Variants in SUSD4 observed in about 807,000 individuals in gnomAD.
The protein encoded by SUSD4 is sushi domain containing 4.
Under a neutral mutation model 50.5 loss-of-function variants are expected in SUSD4, and 41 were observed. The observed-to-expected ratio is 0.81, with a 90% CI of 0.63 to 1.05. The LOEUF (loss-of-function observed/expected upper bound fraction) is 1.05, where lower values mean the gene tolerates loss of function less well. Ranked by LOEUF, SUSD4 falls within the 50% of genes least tolerant of loss-of-function variation. The probability of loss-of-function intolerance (pLI) is 0.00; values close to 1 mark genes in which losing one functional copy is unlikely to be tolerated. For missense variants in SUSD4, 580 were observed against 634.7 expected, an observed-to-expected ratio of 0.91 and a Z score of 0.93; for synonymous variants, 257 against 257.3, an observed-to-expected ratio of 1.00 and a Z score of 0.01.
chr1:223,364,187 C>T (rs1368928071), upstream of SUSD4: 1 of 151,428 alleles, frequency 6.6e-6, no homozygotes, highest in East Asian at 2.0e-4. The surrounding 1 kb of genome is among the most constrained non-coding windows in gnomAD (Gnocchi z 4.5). Flanking sequence ...GGCGGCGGCG[C>T]TCGGCTCCAG....
intron 4 of SUSD4, among the ~76,000 whole-genome samples, chr1:223,265,960 C>A (rs537567001): frequency 6.6e-6 from 1 of 152,328 alleles, no homozygotes; most frequent in Non-Finnish European, 1.5e-5. Context: ...TTCTCCTAAG[C>A]TGACTTTGTT....
rs769244897 is a variant in SUSD4, at chr1:223,363,350, G to A, written c.76C>T (p.Pro26Ser). The change falls in exon 2 of 9, where the codon CCC becomes TCC. Residue 26 changes from proline to serine, a missense_variant. Pro to Ser is a moderately conservative substitution (Grantham distance 74, BLOSUM62 -1). Coordinates refer to ENST00000366878, the MANE Select transcript of SUSD4 (RefSeq NM_017982.4). ...AGGATCACGGCCAAGAGTCTCTGGG[G>A]GGACTGAGGTTGCTGCTGCTGCTGC... is the stretch of plus-strand genomic sequence containing the variant. ...QQQQQQQPQS[P>S]QRLLAVILWF... The A allele has an allele frequency of 3.0e-5, 48 of 1,608,464 alleles. No homozygotes were observed. The highest frequency in any genetic ancestry group is 4.0e-5 in the Non-Finnish European group (47 of 1,177,842).
At chr1:223,290,333 A>G (rs1262271745) in intron 3 of SUSD4, among the ~76,000 whole-genome samples, 1 of 152,234 alleles carries the variant, frequency 6.6e-6, no homozygotes, top group Non-Finnish European at 1.5e-5. Flanking sequence ...TATAAACCAC[A>G]TAGAATAAAG....
At chr1:223,313,122 A>G (rs962155080) in intron 2 of SUSD4, among the ~76,000 whole-genome samples, 12 of 152,184 alleles carry the variant, frequency 7.9e-5, no homozygotes, top group African/African-American at 2.7e-4. Context: ...GATGATCTCC[A>G]GATAGTTTAT....
chr1:223,312,945 G>A (rs1182585478), intron 2 of SUSD4, among the ~76,000 whole-genome samples: 2 of 152,176 alleles, frequency 1.3e-5, no homozygotes, highest in Non-Finnish European at 2.9e-5. Flanking sequence ...GAGCAAGTCT[G>A]GGGAAATAGG....
chr1:223,316,701 C>T (rs906411426), intron 2 of SUSD4, among the ~76,000 whole-genome samples: 4 of 152,296 alleles, frequency 2.6e-5, no homozygotes, highest in Admixed American at 1.3e-4. Flanking sequence ...CACATTCACA[C>T]ACCCATTTTA....
chr1:223,257,708 A>T (rs1661796155), intron 5 of SUSD4, among the ~76,000 whole-genome samples: 1 of 152,130 alleles, frequency 6.6e-6, no homozygotes, highest in Non-Finnish European at 1.5e-5. Context: ...AATAGTTTCA[A>T]GTTTATCAGA....
chr1:223,354,023 C>T (rs35736338), intron 2 of SUSD4, among the ~76,000 whole-genome samples: 8,206 of 150,404 alleles, frequency 0.055, 286 homozygotes, highest in East Asian at 0.12. Context: ...AAGAGTGAAA[C>T]GTTGTCTCAA....
At chr1:223,302,005 C>G (rs772483727) in intron 2 of SUSD4, among the ~76,000 whole-genome samples, 1 of 152,150 alleles carries the variant, frequency 6.6e-6, no homozygotes, top group Non-Finnish European at 1.5e-5. Flanking sequence ...AGAGGTGGGG[C>G]CTGGTGGGAG....
chr1:223,338,793 A>G (rs61838240), intron 2 of SUSD4, among the ~76,000 whole-genome samples: 28,282 of 152,226 alleles, frequency 0.19, 3,177 homozygotes, highest in Non-Finnish European at 0.26. Flanking sequence ...GGGAACATGG[A>G]GGGAGAGGCA....
chr1:223,351,286 A>G (rs763679012), intron 2 of SUSD4, among the ~76,000 whole-genome samples: 12 of 152,228 alleles, frequency 7.9e-5, no homozygotes, highest in Non-Finnish European at 1.5e-4. Flanking sequence ...TATGTTGGTG[A>G]AAGGATATGA....
chr1:223,264,834 G>T lies in SUSD4; in HGVS notation c.536-16C>A. On this transcript the variant is annotated splice_polypyrimidine_tract_variant and intron_variant, in intron 4 of 8. Transcript: ENST00000366878. ...CTCAGGCAGCCTGTGGAAGGTGAAA[G>T]AAAAAGGGAAAGATTCCACTCTGTC... The T allele has an allele frequency of 1.2e-6, 2 of 1,604,438 alleles. No individual in the cohort carries two copies. Among genetic ancestry groups the T allele is most frequent in the Non-Finnish European group, 8.5e-7 (1 of 1,175,940 alleles).
intron 2 of SUSD4, among the ~76,000 whole-genome samples, chr1:223,358,579 A>C (rs1244947684): frequency 1.3e-5 from 2 of 152,006 alleles, no homozygotes; most frequent in Admixed American, 1.3e-4. Context: ...TCACGTATCT[A>C]ATCAGTGTTT....
intron 2 of SUSD4, among the ~76,000 whole-genome samples, chr1:223,299,010 G>A (rs1169294407): frequency 6.6e-6 from 1 of 152,226 alleles, no homozygotes; most frequent in Non-Finnish European, 1.5e-5. Context: ...CAGAAGATGA[G>A]ATGGTACAAG....
intron 4 of SUSD4, among the ~76,000 whole-genome samples, chr1:223,268,046 C>CATATATATATATAT (rs1662645341): frequency 3.3e-5 from 1 of 30,426 alleles, no homozygotes; most frequent in Admixed American, 3.6e-4. Flanking sequence ...TATATATACA[C>CATATATATATATAT]ACACACTGTT....
chr1:223,361,469 T>A (rs569158352), intron 2 of SUSD4, among the ~76,000 whole-genome samples: 1 of 152,212 alleles, frequency 6.6e-6, no homozygotes, highest in East Asian at 1.9e-4. Flanking sequence ...TCTGGATATT[T>A]TTGCCTGGCA....
intron 5 of SUSD4, among the ~76,000 whole-genome samples, chr1:223,242,671 G>A (rs973362840): frequency 1.1e-4 from 16 of 152,216 alleles, no homozygotes; most frequent in Non-Finnish European, 2.1e-4. Flanking sequence ...AGGCATGTTA[G>A]TTACTCCCCT....
intron 2 of SUSD4, among the ~76,000 whole-genome samples, chr1:223,333,044 C>T (rs757490988): frequency 2.0e-5 from 3 of 152,098 alleles, no homozygotes; most frequent in Non-Finnish European, 4.4e-5. Flanking sequence ...AACCTCTTGG[C>T]CAAACTCTTT....
At chr1:223,353,304 C>G (rs902661353) in intron 2 of SUSD4, among the ~76,000 whole-genome samples, 1 of 152,192 alleles carries the variant, frequency 6.6e-6, no homozygotes, top group African/African-American at 2.4e-5. Context: ...ATCCCTTACC[C>G]TCCCTTTGTA....
Sources: gnomAD v4.1 joint callset for allele counts (sites outside exome capture counted in the v4.1 genomes callset) on GRCh38, gnomAD v4.1.1 for gene constraint, Gnocchi (gnomAD v3.1) non-coding constraint, MANE v1.5 for transcripts, NCBI Gene and HGNC (gene_info 2026-07-23, HGNC 2026-07-21) for gene names.